The following TASP1 variants were observed in gnomAD, a reference collection of about 807,000 sequenced individuals.
The protein encoded by TASP1 is taspase 1.
In TASP1, 16 loss-of-function variants were observed where a neutral mutation model predicts 56.6. That is an observed-to-expected ratio of 0.28 (90% confidence interval 0.19 to 0.43). The LOEUF (loss-of-function observed/expected upper bound fraction) is 0.43, where lower values mean the gene tolerates loss of function less well. Among genes scored for constraint, TASP1 ranks in the 20% least tolerant of loss-of-function variants. TASP1 has a pLI of 1.00. For synonymous variants in TASP1, 179 were observed against 184.2 expected (o/e 0.97, Z 0.23); for missense variants, 393 against 511.6 (o/e 0.77, Z 2.24).
chr20:13,128,878 T>C, the TASP1 span, among the ~76,000 whole-genome samples: 45 of 149,406 alleles, frequency 3.0e-4, 1 homozygote, highest in African/African-American at 1.1e-3. Context: ...CTAATTTTTT[T>C]TTTTTTTTTT....
chr20:13,433,832 T>G (rs1182022528), intron 12 of TASP1, among the ~76,000 whole-genome samples: 1 of 138,238 alleles, frequency 7.2e-6, no homozygotes, highest in Non-Finnish European at 1.5e-5. Flanking sequence ...TGACCTATAG[T>G]GTTTGTATTA....
intron 10 of TASP1, among the ~76,000 whole-genome samples, chr20:13,510,909 A>G (rs2044302908): frequency 2.0e-5 from 3 of 152,110 alleles, no homozygotes; most frequent in Admixed American, 2.0e-4. Flanking sequence ...GCAAGTGTCA[A>G]GTTTAGTAGG....
chr20:13,596,806 A>G (rs2047750335), intron 4 of TASP1, among the ~76,000 whole-genome samples: 1 of 152,172 alleles, frequency 6.6e-6, no homozygotes, highest in African/African-American at 2.4e-5. Context: ...AAAGAAGAAA[A>G]GAGAGAAGAA....
chr20:13,539,502 G>A (rs993503835), intron 8 of TASP1, among the ~76,000 whole-genome samples: 5 of 151,374 alleles, frequency 3.3e-5, no homozygotes, highest in African/African-American at 4.9e-5. Flanking sequence ...GTGAGCAATC[G>A]TCACACCACT....
the TASP1 span, among the ~76,000 whole-genome samples, chr20:13,115,737 G>A: frequency 6.6e-6 from 1 of 152,070 alleles, no homozygotes; most frequent in African/African-American, 2.4e-5. Flanking sequence ...TTCCTCCTAA[G>A]CTCCTCCTCC....
At chr20:13,267,500 A>C in the TASP1 span, among the ~76,000 whole-genome samples, 1 of 152,132 alleles carries the variant, frequency 6.6e-6, no homozygotes, top group African/African-American at 2.4e-5. Context: ...TATCTTGACT[A>C]ATCCTGCGGG....
intron 10 of TASP1, among the ~76,000 whole-genome samples, chr20:13,515,763 T>C (rs2044504935): frequency 6.6e-6 from 1 of 152,040 alleles, no homozygotes; most frequent in South Asian, 2.1e-4. Context: ...AATTTTTTCA[T>C]GACAGCTTGC....
chr20:13,617,004 C>T (rs1239249500), intron 4 of TASP1: 8 of 453,188 alleles, frequency 1.8e-5, no homozygotes, highest in South Asian at 3.1e-5. Flanking sequence ...CTTCAGGATA[C>T]ATTTCCCTTG....
At chr20:13,153,583 C>T in the TASP1 span, among the ~76,000 whole-genome samples, 1 of 152,020 alleles carries the variant, frequency 6.6e-6, no homozygotes, top group Non-Finnish European at 1.5e-5. Context: ...GCCAATTCAG[C>T]TTAGCTAAAA....
chr20:13,416,270 T>C (rs1301415209), intron 13 of TASP1, among the ~76,000 whole-genome samples: 1 of 152,222 alleles, frequency 6.6e-6, no homozygotes, highest in Non-Finnish European at 1.5e-5. Flanking sequence ...TGGACAATTA[T>C]ATTTCCATTC....
chr20:13,423,025 T>C (rs2042498289), intron 12 of TASP1, among the ~76,000 whole-genome samples: 1 of 152,258 alleles, frequency 6.6e-6, no homozygotes, highest in African/African-American at 2.4e-5. Context: ...TAGATATTTA[T>C]TCCACAGATA....
intron 10 of TASP1, among the ~76,000 whole-genome samples, chr20:13,520,293 A>C (rs913908749): frequency 2.0e-5 from 3 of 152,212 alleles, no homozygotes; most frequent in Admixed American, 1.3e-4. Flanking sequence ...ATATGAAACC[A>C]AAAAAGAGCC....
At chr20:13,299,478 G>A in the TASP1 span, 10 of 1,577,794 alleles carry the variant, frequency 6.3e-6, no homozygotes, top group South Asian at 1.0e-4. This position sits in a 1 kb window ranked among gnomAD's most constrained non-coding sequence, Gnocchi z 5.8. Context: ...GGATGAGGTG[G>A]AGGACGCTGC....
At chr20:13,205,726 T>C in the TASP1 span, among the ~76,000 whole-genome samples, 5 of 152,202 alleles carry the variant, frequency 3.3e-5, no homozygotes, top group African/African-American at 7.2e-5. Context: ...GATTAGGGCT[T>C]CAATGCATGA....
the TASP1 span, among the ~76,000 whole-genome samples, chr20:13,342,727 T>C: frequency 6.6e-6 from 1 of 152,122 alleles, no homozygotes. Context: ...ACAAGAGCCA[T>C]AAAAGTTTGC....
chr20:13,510,722 C>T (rs1463059173), intron 10 of TASP1, among the ~76,000 whole-genome samples: 1 of 152,128 alleles, frequency 6.6e-6, no homozygotes, highest in Non-Finnish European at 1.5e-5. Context: ...GGCATTCAGG[C>T]CCTGTTTGAC....
chr20:13,613,483 G>C (rs1207747119), intron 4 of TASP1, among the ~76,000 whole-genome samples: 1 of 151,980 alleles, frequency 6.6e-6, no homozygotes, highest in Non-Finnish European at 1.5e-5. Flanking sequence ...GCTTGTATAG[G>C]AAAATTAGCA....
chr20:13,472,808 C>G (rs529049818), intron 11 of TASP1, among the ~76,000 whole-genome samples: 1 of 150,958 alleles, frequency 6.6e-6, no homozygotes, highest in South Asian at 2.1e-4. Context: ...CCAGTTAGAA[C>G]AGCGATCATT....
chr20:13,570,650 G>A (rs746914150), intron 6 of TASP1, among the ~76,000 whole-genome samples: 3 of 152,014 alleles, frequency 2.0e-5, no homozygotes, highest in Non-Finnish European at 1.5e-5. Flanking sequence ...TTTAAATAGA[G>A]AGGAGAGAAG....
Sources: allele counts gnomAD v4.1 joint callset (sites outside exome capture counted in the v4.1 genomes callset), GRCh38; gene constraint gnomAD v4.1.1; non-coding constraint Gnocchi (gnomAD v3.1); transcripts MANE v1.5; gene names NCBI Gene and HGNC (gene_info 2026-07-23, HGNC 2026-07-21).